RFTN2: variants seen among roughly 807,000 people sequenced by gnomAD.
RFTN2 encodes the protein raftlin family member 2, also known as raftlin-2.
RFTN2 carries 34 observed loss-of-function variants against 52.7 expected under a neutral mutation model. That is an observed-to-expected ratio of 0.64 (90% CI 0.49 to 0.86). The LOEUF (loss-of-function observed/expected upper bound fraction) is 0.86. Ranked by LOEUF, RFTN2 falls within the 40% of genes least tolerant of loss-of-function variation. RFTN2 has a pLI of 0.00. For missense variants in RFTN2, 536 were observed against 600.1 expected (o/e 0.89, Z 1.12); for synonymous variants, 203 against 217.7 (o/e 0.93, Z 0.59).
intron 7 of RFTN2, among the ~76,000 whole-genome samples, chr2:197,615,024 A>G (rs570332714): frequency 2.0e-5 from 3 of 152,320 alleles, no homozygotes; most frequent in Admixed American, 6.5e-5. Flanking sequence ...CCCTACCCGA[A>G]GAAGGTGTGG....
intron 8 of RFTN2, among the ~76,000 whole-genome samples, chr2:197,579,745 G>C (rs1255580116): frequency 6.6e-6 from 1 of 151,858 alleles, no homozygotes; most frequent in Non-Finnish European, 1.5e-5. Context: ...CGACCCATCT[G>C]ACCTCTCCCT....
intron 1 of RFTN2, among the ~76,000 whole-genome samples, chr2:197,664,715 G>A (rs1334335958): frequency 6.6e-6 from 1 of 152,040 alleles, no homozygotes; most frequent in African/African-American, 2.4e-5. Context: ...AGCCTGGGAG[G>A]TCAAGGTTGC....
At chr2:197,585,993 T>C (rs900321086) in intron 8 of RFTN2, among the ~76,000 whole-genome samples, 1 of 152,230 alleles carries the variant, frequency 6.6e-6, no homozygotes, top group African/African-American at 2.4e-5. Context: ...CCTTTCACCT[T>C]CGTGATGTTC....
At chr2:197,644,007 C>A in intron 3 of RFTN2, 151 bp downstream of exon 3, 2 of 598,972 alleles carry the variant, frequency 3.3e-6, no homozygotes, top group South Asian at 2.0e-5. Context: ...AACGCTTTAC[C>A]ATTTGGCACA....
At chr2:197,618,036 A>G in intron 5 of RFTN2, 115 bp from the exon 6 acceptor site, 1 of 781,810 alleles carries the variant, frequency 1.3e-6, no homozygotes, top group Admixed American at 3.6e-5. Flanking sequence ...TTCAATTAAA[A>G]AACATTTGTT....
intron 7 of RFTN2, among the ~76,000 whole-genome samples, chr2:197,602,670 C>T (rs2087897837): frequency 6.6e-6 from 1 of 152,058 alleles, no homozygotes. Context: ...TCCTGAGTAG[C>T]TGGGACTACA....
chr2:197,610,359 T>C (rs1559348086), intron 7 of RFTN2, among the ~76,000 whole-genome samples: 3 of 152,214 alleles, frequency 2.0e-5, no homozygotes, highest in Non-Finnish European at 1.5e-5. Context: ...TTCCTAGGTA[T>C]TTTATTCTCT....
At chr2:197,642,335 A>C (rs1265007687) in intron 3 of RFTN2, among the ~76,000 whole-genome samples, 2 of 152,350 alleles carry the variant, frequency 1.3e-5, no homozygotes, top group South Asian at 2.1e-4. Flanking sequence ...AAATATGTCA[A>C]TGCAGTGGAA....
At chr2:197,632,907 C>G (rs1341033097) in intron 4 of RFTN2, among the ~76,000 whole-genome samples, 1 of 152,168 alleles carries the variant, frequency 6.6e-6, no homozygotes, top group Non-Finnish European at 1.5e-5. Flanking sequence ...TATTCTGTAC[C>G]AGGCACTGGG....
chr2:197,608,781 C>T (rs1220584862), intron 7 of RFTN2, among the ~76,000 whole-genome samples: 1 of 151,980 alleles, frequency 6.6e-6, no homozygotes, highest in Admixed American at 6.6e-5. Context: ...ATCCCTCCCC[C>T]AGCTCCCCAC....
intron 1 of RFTN2, among the ~76,000 whole-genome samples, chr2:197,656,650 G>A (rs2088897693): frequency 6.6e-6 from 1 of 152,138 alleles, no homozygotes; most frequent in Non-Finnish European, 1.5e-5. Context: ...TCATGGTAGG[G>A]ATTTGAATAT....
chr2:197,650,981 GTA>G (rs1395817276), intron 1 of RFTN2, among the ~76,000 whole-genome samples: 1 of 152,122 alleles, frequency 6.6e-6, no homozygotes, highest in African/African-American at 2.4e-5. Context: ...ATTCTAACAG[GTA>G]TAAGGTGATA....
chr2:197,634,511 C>A (rs1201747525), intron 3 of RFTN2, among the ~76,000 whole-genome samples: 1 of 151,838 alleles, frequency 6.6e-6, no homozygotes, highest in Admixed American at 6.6e-5. Flanking sequence ...AGCACAAGCC[C>A]AATTTATACC....
intron 3 of RFTN2, among the ~76,000 whole-genome samples, chr2:197,634,709 T>C (rs13000948): frequency 6.7e-6 from 1 of 148,444 alleles, no homozygotes; most frequent in Non-Finnish European, 1.5e-5. Flanking sequence ...ATTTTTTTTT[T>C]ATTTTTAAGG....
intron 1 of RFTN2, among the ~76,000 whole-genome samples, chr2:197,673,775 T>C (rs968752870): frequency 6.6e-6 from 1 of 152,192 alleles, no homozygotes; most frequent in Non-Finnish European, 1.5e-5. Flanking sequence ...GATGTTAACA[T>C]TGTTGGAAGG....
rs1038651193 is a variant in RFTN2 at position 197,668,805 on chromosome 2, A to T, written c.139+6515T>A. ...ACCCAGTATGCCCTTCCTCCCTGGG[A>T]CAGTCCTGTGGCACAATCTCTTGGC... On this transcript the variant is annotated intron_variant, in intron 1 of 8. Coordinates refer to ENST00000295049, the MANE Select transcript of RFTN2 (RefSeq NM_144629.3). Among the ~76,000 whole-genome samples, 25 of 152,090 alleles carry T rather than the reference A, an allele frequency of 1.6e-4. 1 individual carries two copies. The highest frequency in any genetic ancestry group is 6.0e-4 in the African/African-American group (25 of 41,414).
intron 1 of RFTN2, among the ~76,000 whole-genome samples, chr2:197,652,835 G>A (rs1330020073): frequency 2.0e-5 from 3 of 152,122 alleles, no homozygotes; most frequent in South Asian, 4.1e-4. Flanking sequence ...AAAACACAGA[G>A]TGACAGAATT....
At chr2:197,673,504 C>T (rs1191754465) in intron 1 of RFTN2, among the ~76,000 whole-genome samples, 3 of 152,148 alleles carry the variant, frequency 2.0e-5, no homozygotes, top group African/African-American at 7.2e-5. Flanking sequence ...GGAGACTAGG[C>T]GCCTGTACCA....
intron 3 of RFTN2, among the ~76,000 whole-genome samples, chr2:197,636,141 G>A (rs1574729101): frequency 6.6e-6 from 1 of 151,882 alleles, no homozygotes; most frequent in East Asian, 1.9e-4. Context: ...GGTTACTGTA[G>A]CCTTGTAGTA....
Sources: allele counts gnomAD v4.1 joint callset (sites outside exome capture counted in the v4.1 genomes callset), GRCh38; gene constraint gnomAD v4.1.1; transcripts MANE v1.5; gene names NCBI Gene and HGNC (gene_info 2026-07-23, HGNC 2026-07-21).